CALCRL: variants seen among roughly 807,000 people sequenced by gnomAD.
The protein encoded by CALCRL is calcitonin receptor like receptor.
A neutral mutation model predicts 60.4 loss-of-function variants in CALCRL; 27 were observed. The observed-to-expected ratio is 0.45, with a 90% CI of 0.33 to 0.62. The LOEUF is 0.62. Among genes scored for constraint, CALCRL ranks in the 20% least tolerant of loss-of-function variants. The pLI, the probability that CALCRL is intolerant of heterozygous loss-of-function variation, is 0.03. For missense variants in CALCRL, 424 were observed against 540.7 expected, an observed-to-expected ratio of 0.78 and a Z score of 2.14; for synonymous variants, 190 against 182.6, an observed-to-expected ratio of 1.04 and a Z score of -0.33.
At chr2:187,393,808 C>T (rs1688548758) in intron 1 of CALCRL, among the ~76,000 whole-genome samples, 1 of 151,984 alleles carries the variant, frequency 6.6e-6, no homozygotes, top group Non-Finnish European at 1.5e-5. Context: ...TGATTCAGGT[C>T]ATCTTGCTTG....
At chr2:187,414,312 A>G (rs1479759683) in intron 1 of CALCRL, among the ~76,000 whole-genome samples, 2 of 152,120 alleles carry the variant, frequency 1.3e-5, no homozygotes, top group Non-Finnish European at 1.5e-5. Flanking sequence ...GCAAATTTTT[A>G]TCTAAGAAAG....
rs35822000 is a variant in CALCRL at position 187,389,069 on chromosome 2, C to CTTT, written c.-292-1316_-292-1314dup. 6.5e-3 allele frequency among the ~76,000 whole-genome samples: 912 copies of CTTT among 140,140 alleles called. 7 individuals carry two copies. The highest frequency in any genetic ancestry group is 0.022 in the African/African-American group (855 of 38,082). The allele number at this position is 140,140 out of a possible 152,430, so 91.9% of individuals were successfully genotyped here. A position where few individuals can be genotyped will look rare whatever the true frequency, so the allele number is the denominator to read the frequency against. On this transcript the variant is annotated intron_variant, in intron 1 of 14. Coordinates refer to ENST00000392370, the MANE Select transcript of CALCRL (RefSeq NM_005795.6). ...ATACTTTTCTCTATTACTTCTTCTT[C>CTTT]TTTTTTTTTTTTTTTGAGAAAGAGT...
chr2:187,422,043 A>G (rs1045296542), intron 1 of CALCRL, among the ~76,000 whole-genome samples: 1 of 152,190 alleles, frequency 6.6e-6, no homozygotes, highest in African/African-American at 2.4e-5. Flanking sequence ...GAAAGTAGAC[A>G]TTGTCAGGAA....
chr2:187,399,163 T>C (rs756731884), intron 1 of CALCRL, among the ~76,000 whole-genome samples: 3 of 151,610 alleles, frequency 2.0e-5, no homozygotes, highest in Non-Finnish European at 4.4e-5. Flanking sequence ...GTAATGTAGA[T>C]ATTTACAGAT....
chr2:187,394,182 A>G (rs947312128), intron 1 of CALCRL, among the ~76,000 whole-genome samples: 1 of 152,054 alleles, frequency 6.6e-6, no homozygotes. Context: ...TGGAGCCCAC[A>G]TGCAAGGACT....
intron 1 of CALCRL, among the ~76,000 whole-genome samples, chr2:187,427,731 C>A (rs16829016): frequency 6.6e-6 from 1 of 151,792 alleles, no homozygotes; most frequent in African/African-American, 2.4e-5. Context: ...TTCTCCTCTC[C>A]ATGAATCAAA....
chr2:187,420,322 A>G (rs572347850), intron 1 of CALCRL, among the ~76,000 whole-genome samples: 11 of 152,150 alleles, frequency 7.2e-5, no homozygotes, highest in Non-Finnish European at 1.6e-4. Context: ...TGACATAATA[A>G]TATCTTAGAA....
Position 187,380,690 on chromosome 2 carries a change from G to A in CALCRL, c.282C>T (p.Asp94=). ...SMQLCPDYFQ[D]FDPSEKVTKI... ...TTCTGCTTTTACCTGATGGATCAAAGTCCTGAAAGTAATCAGGGCAGAGCT... is the reference window on the plus strand; with the variant it reads ...TTCTGCTTTTACCTGATGGATCAAAATCCTGAAAGTAATCAGGGCAGAGCT... The change falls in exon 6 of 15, where the codon GAC becomes GAT. Residue 94 remains aspartate, a synonymous_variant. Transcript: ENST00000392370. The A allele has an allele frequency of 6.2e-7, 1 of 1,613,600 alleles. No homozygotes were observed.
chr2:187,424,491 T>A (rs891965845), intron 1 of CALCRL, among the ~76,000 whole-genome samples: 1 of 152,068 alleles, frequency 6.6e-6, no homozygotes, highest in Non-Finnish European at 1.5e-5. Flanking sequence ...AATGCAAATA[T>A]TATTTCATTT....
At chr2:187,421,003 C>T (rs999723822) in intron 1 of CALCRL, among the ~76,000 whole-genome samples, 3 of 152,132 alleles carry the variant, frequency 2.0e-5, no homozygotes, top group Non-Finnish European at 4.4e-5. Flanking sequence ...CCTTTCTTAG[C>T]TGGAACTGTA....
At chr2:187,416,481 A>C (rs1446393559) in intron 1 of CALCRL, among the ~76,000 whole-genome samples, 2 of 152,214 alleles carry the variant, frequency 1.3e-5, no homozygotes, top group Non-Finnish European at 2.9e-5. Flanking sequence ...TATTAAACAC[A>C]GATAATATTA....
intron 12 of CALCRL, among the ~76,000 whole-genome samples, chr2:187,352,593 A>G (rs992403308): frequency 6.6e-6 from 1 of 151,902 alleles, no homozygotes; most frequent in African/African-American, 2.4e-5. Flanking sequence ...TATTCAGTTG[A>G]AGAATATTTC....
At chr2:187,436,214 C>A (rs1184232247) in intron 1 of CALCRL, among the ~76,000 whole-genome samples, 1 of 152,082 alleles carries the variant, frequency 6.6e-6, no homozygotes, top group Non-Finnish European at 1.5e-5. Context: ...CCTATTCATA[C>A]AACATCCAAA....
intron 3 of CALCRL, 139 bp downstream of exon 3, chr2:187,387,190 A>G (rs1354646089): frequency 6.6e-6 from 1 of 152,218 alleles, no homozygotes; most frequent in Non-Finnish European, 1.5e-5. Flanking sequence ...GACAGGGCTA[A>G]TTTGGGAAAA....
At chr2:187,403,799 T>G (rs1688997195) in intron 1 of CALCRL, among the ~76,000 whole-genome samples, 1 of 151,840 alleles carries the variant, frequency 6.6e-6, no homozygotes, top group African/African-American at 2.4e-5. Context: ...GCTGTAATTT[T>G]ACACATACCA....
chr2:187,367,522 C>A (rs987382985), intron 8 of CALCRL, among the ~76,000 whole-genome samples: 4 of 151,964 alleles, frequency 2.6e-5, no homozygotes, highest in African/African-American at 9.7e-5. Flanking sequence ...TAGATTGGTA[C>A]AAATAAAATC....
At chr2:187,408,795 TAAA>T (rs1214352171) in intron 1 of CALCRL, among the ~76,000 whole-genome samples, 4 of 152,092 alleles carry the variant, frequency 2.6e-5, no homozygotes, top group African/African-American at 9.7e-5. Flanking sequence ...CAGCCAGAGT[TAAA>T]AAATAGCTAC....
Position 187,343,511 on chromosome 2 carries a change from A to G in CALCRL, c.*2673T>C, listed in dbSNP as rs949756540. ...AAATACAGCACTACAGCCACCACTA[A>G]TTCTATATACATTGGATTACATTTA... is the stretch of plus-strand genomic sequence containing the variant. On this transcript the variant is annotated 3_prime_UTR_variant, in exon 15 of 15. Transcript: ENST00000392370. 1 of 152,004 alleles carries G rather than the reference A, an allele frequency of 6.6e-6. No individual in the cohort carries two copies. The highest frequency in any genetic ancestry group is 1.5e-5 in the Non-Finnish European group (1 of 67,572). The allele number at this position is 152,004 out of a possible 1,614,324, so 9.4% of individuals were successfully genotyped here.
Position 187,359,301 on chromosome 2 carries a change from A to G in CALCRL, c.782-29T>C, listed in dbSNP as rs199722831. On this transcript the variant is annotated intron_variant, in intron 10 of 14. Transcript: ENST00000392370. The stretch of plus-strand genomic sequence containing the variant: ...TAATAACAAAAAAAAAAGAAAATAA[A>G]TAGGCATTTTTTCTACAGATGGTAT... The G allele has an allele frequency of 6.0e-4, 874 of 1,455,966 alleles. 1 individual carries two copies. The highest frequency in any genetic ancestry group is 1.2e-3 in the African/African-American group (84 of 69,518). The allele number at this position is 1,455,966 out of a possible 1,614,324, so 90.2% of individuals were successfully genotyped here. A position where few individuals can be genotyped will look rare whatever the true frequency, so the allele number is the denominator to read the frequency against.
Sources: gnomAD v4.1 joint callset for allele counts (sites outside exome capture counted in the v4.1 genomes callset) on GRCh38, gnomAD v4.1.1 for gene constraint, MANE v1.5 for transcripts, NCBI Gene and HGNC (gene_info 2026-07-23, HGNC 2026-07-21) for gene names.